Variants in BAIAP2 observed in about 807,000 individuals in gnomAD.
BAIAP2 encodes the protein BAR/IMD domain-containing adapter protein 2.
Under a neutral mutation model 63.0 loss-of-function variants are expected in BAIAP2, and 18 were observed. The ratio of observed to expected loss-of-function variants is 0.29; its 90% confidence interval spans 0.20 to 0.42. The LOEUF is 0.42. Among genes scored for constraint, BAIAP2 ranks in the 10% least tolerant of loss-of-function variants. The pLI is 1.00. For synonymous variants in BAIAP2, 386 were observed against 307.6 expected (o/e 1.25, Z -2.67); for missense variants, 610 against 734.3 (o/e 0.83, Z 1.96).
Position 81,090,841 on chromosome 17 carries a change from C to A in BAIAP2, c.489+4261C>A, listed in dbSNP as rs548835242. On this transcript the variant is annotated intron_variant, in intron 6 of 13. Transcript: ENST00000428708. ...GCTGCTCCAGGCCCCTTGCCCCACC[C>A]AGGGCTGTTCCTGCTGGTTCCCATT... 2.3e-3 allele frequency among the ~76,000 whole-genome samples: 353 copies of A among 152,276 alleles called. 4 individuals carry two copies. Among genetic ancestry groups the A allele is most frequent in the African/African-American group, 7.7e-3 (322 of 41,582 alleles).
At chr17:81,039,674 C>A (rs988829120) in intron 1 of BAIAP2, among the ~76,000 whole-genome samples, 1 of 151,768 alleles carries the variant, frequency 6.6e-6, no homozygotes, top group Non-Finnish European at 1.5e-5. Flanking sequence ...GATGGGAGGG[C>A]AGTGGGTGGG....
At chr17:81,064,747 GC>G (rs2051167852) in intron 3 of BAIAP2, among the ~76,000 whole-genome samples, 1 of 152,234 alleles carries the variant, frequency 6.6e-6, no homozygotes, top group Admixed American at 6.5e-5. Flanking sequence ...TGGGGAGGCA[GC>G]CTCGGGCTTT....
At chr17:81,075,774 TC>T (rs1271652315) in intron 3 of BAIAP2, among the ~76,000 whole-genome samples, 1 of 152,196 alleles carries the variant, frequency 6.6e-6, no homozygotes, top group Non-Finnish European at 1.5e-5. Flanking sequence ...GGGCCTCAAG[TC>T]CTGCTCCTCC....
chr17:81,070,539 G>C (rs1326274730), intron 3 of BAIAP2, among the ~76,000 whole-genome samples: 1 of 152,218 alleles, frequency 6.6e-6, no homozygotes, highest in Non-Finnish European at 1.5e-5. Context: ...GGCACAGGGA[G>C]GGTTGCTGCA....
intron 3 of BAIAP2, among the ~76,000 whole-genome samples, chr17:81,059,336 C>T (rs1307847022): frequency 1.3e-5 from 2 of 152,230 alleles, no homozygotes; most frequent in Non-Finnish European, 2.9e-5. Flanking sequence ...GTTAGGGTGA[C>T]GGAGGCTGAG....
At chr17:81,070,089 G>A (rs535396554) in intron 3 of BAIAP2, among the ~76,000 whole-genome samples, 1 of 152,154 alleles carries the variant, frequency 6.6e-6, no homozygotes, top group Non-Finnish European at 1.5e-5. Flanking sequence ...CTTCTGAGTA[G>A]CCAGGACTAC....
chr17:81,077,510 G>A (rs1408050989), intron 3 of BAIAP2, among the ~76,000 whole-genome samples: 1 of 151,748 alleles, frequency 6.6e-6, no homozygotes, highest in Non-Finnish European at 1.5e-5. Context: ...GGAGGTTGCA[G>A]TGAGCCGAGA....
rs2056500706 is a variant in BAIAP2 at position 81,090,352 on chromosome 17, CG to C, written c.489+3774del. Reference sequence around the variant, plus strand: ...GTGCCTGCGTGGGGGCTCTCCTGGACGGACCTCCGCCTCTGCTCCTCCCCAT... The same window carrying C: ...GTGCCTGCGTGGGGGCTCTCCTGGACGACCTCCGCCTCTGCTCCTCCCCAT... On this transcript the variant is annotated intron_variant, in intron 6 of 13. Transcript: ENST00000428708. 1.3e-5 allele frequency among the ~76,000 whole-genome samples: 2 copies of C among 151,764 alleles called. 1 individual carries two copies. Among genetic ancestry groups the C allele is most frequent in the South Asian group, 4.1e-4 (2 of 4,832 alleles).
At chr17:81,052,282 G>C (rs902273432) in intron 1 of BAIAP2, among the ~76,000 whole-genome samples, 1 of 152,232 alleles carries the variant, frequency 6.6e-6, no homozygotes, top group African/African-American at 2.4e-5. Flanking sequence ...CTGCGGAAGC[G>C]CTGGCCCTCC....
At chr17:81,050,752 C>CACACATGCATGTGTGT (rs1403015184) in intron 1 of BAIAP2, among the ~76,000 whole-genome samples, 1 of 150,628 alleles carries the variant, frequency 6.6e-6, no homozygotes, top group South Asian at 2.1e-4. Context: ...CGTGGACACA[C>CACACATGCATGTGTGT]ATGCACACAT....
rs756374217 is a variant in BAIAP2, at chr17:81,053,646, TTTC to T, written c.55-17_55-15del. 1.9e-6 allele frequency: 3 copies of T among 1,613,902 alleles called. No homozygotes were observed. The South Asian group carries it at 3.3e-5, about 18-fold the overall frequency. On this transcript the variant is annotated intron_variant, in intron 1 of 13. Transcript: ENST00000428708. ...AGGGTGACCTCTGCCAGTAATGCTG[TTTC>T]TTCTCTGCTTTCTTCCAGACCATCA... is the stretch of plus-strand genomic sequence containing the variant.
chr17:81,078,671 C>T (rs1280896759), intron 3 of BAIAP2, among the ~76,000 whole-genome samples: 1 of 151,684 alleles, frequency 6.6e-6, no homozygotes, highest in Admixed American at 6.6e-5. Flanking sequence ...GGTGCGGGTG[C>T]TGTCTCGGGT....
At chr17:81,051,585 T>C (rs1009491412) in intron 1 of BAIAP2, among the ~76,000 whole-genome samples, 4 of 152,110 alleles carry the variant, frequency 2.6e-5, no homozygotes, top group African/African-American at 9.7e-5. Context: ...TTAGTAGAAA[T>C]GGGGTTTCAC....
At chr17:81,055,164 A>G (rs1051290602) in intron 2 of BAIAP2, among the ~76,000 whole-genome samples, 2 of 152,158 alleles carry the variant, frequency 1.3e-5, no homozygotes, top group East Asian at 3.9e-4. Flanking sequence ...AGAGGTGTCA[A>G]GGACGGGGCA....
chr17:81,038,452 T>C (rs556182692), intron 1 of BAIAP2, among the ~76,000 whole-genome samples: 1 of 152,112 alleles, frequency 6.6e-6, no homozygotes. Context: ...CTAGAATATG[T>C]GAGGTTGAGA....
chr17:81,116,324 A>C lies in BAIAP2; in HGVS notation c.*485A>C, dbSNP rs758768365. ...AAGATGAACTTCCCGTAAGCACGTA[A>C]TTCCCTGCAGGTCCGGCAGCTACAC... On this transcript the variant is annotated 3_prime_UTR_variant, in exon 14 of 14. Transcript: ENST00000428708. The C allele has an allele frequency of 6.2e-7, 1 of 1,612,446 alleles. No individual in the cohort carries two copies. The highest frequency in any genetic ancestry group is 1.3e-5 in the African/African-American group (1 of 74,912).
chr17:81,085,742 C>CCAGCAGGCACGGCCAGG lies in BAIAP2; in HGVS notation c.351+17_351+18insCAGCAGGCACGGCCAGG. 6.2e-7 allele frequency: 1 copy of CCAGCAGGCACGGCCAGG among 1,608,266 alleles called. No homozygotes were observed. Among genetic ancestry groups the CCAGCAGGCACGGCCAGG allele is most frequent in the Non-Finnish European group, 8.5e-7 (1 of 1,176,132 alleles). On this transcript the variant is annotated intron_variant, in intron 5 of 13. Transcript: ENST00000428708. Reference sequence around the variant, plus strand: ...TATCTGAGTGTAAGTGCACCCTGGCCGTGCCTGCTGGGCCCTGTGCCTGGG... The same window carrying CCAGCAGGCACGGCCAGG: ...TATCTGAGTGTAAGTGCACCCTGGCCCAGCAGGCACGGCCAGGGTGCCTGCTGGGCCCTGTGCCTGGG...
At chr17:81,049,694 G>C (rs144441073) in intron 1 of BAIAP2, among the ~76,000 whole-genome samples, 22 of 152,332 alleles carry the variant, frequency 1.4e-4, no homozygotes, top group Non-Finnish European at 2.2e-4. Flanking sequence ...TGGGGCCGCT[G>C]CTGTTGGTTT....
chr17:81,081,768 C>T (rs2054651151), intron 3 of BAIAP2, among the ~76,000 whole-genome samples: 1 of 152,190 alleles, frequency 6.6e-6, no homozygotes, highest in African/African-American at 2.4e-5. Context: ...GAGGTCTCGA[C>T]TTCATCCCGA....
Sources: gnomAD v4.1 joint callset for allele counts (sites outside exome capture counted in the v4.1 genomes callset) on GRCh38, gnomAD v4.1.1 for gene constraint, MANE v1.5 for transcripts, NCBI Gene and HGNC (gene_info 2026-07-23, HGNC 2026-07-21) for gene names.